Variants in ASCC3 observed in about 807,000 individuals in gnomAD.
ASCC3 encodes the protein activating signal cointegrator 1 complex subunit 3.
In ASCC3, 158 loss-of-function variants were observed where a neutral mutation model predicts 256.3. The ratio of observed to expected loss-of-function variants is 0.62; its 90% CI spans 0.54 to 0.70. The LOEUF is 0.70. Ranked by LOEUF, ASCC3 falls within the 30% of genes least tolerant of loss-of-function variation. The pLI, the probability that ASCC3 is intolerant of heterozygous loss-of-function variation, is 0.00. For missense variants in ASCC3, 2,259 were observed against 2,626.0 expected (o/e 0.86, Z 3.05); for synonymous variants, 948 against 883.4 (o/e 1.07, Z -1.30).
At chr6:100,576,492 A>G (rs1436545634) in intron 36 of ASCC3, among the ~76,000 whole-genome samples, 2 of 151,944 alleles carry the variant, frequency 1.3e-5, no homozygotes, top group Non-Finnish European at 2.9e-5. Context: ...GAATATGTCG[A>G]AAAGGAAATA....
chr6:100,585,749 T>C (rs1383418828), intron 36 of ASCC3, among the ~76,000 whole-genome samples: 1 of 152,184 alleles, frequency 6.6e-6, no homozygotes, highest in Non-Finnish European at 1.5e-5. Flanking sequence ...GATGTACAGA[T>C]AGGTTTTTGG....
chr6:100,707,687 G>A lies in ASCC3; in HGVS notation c.2151+7775C>T, dbSNP rs985487018. Among the ~76,000 whole-genome samples, 5 of 152,192 alleles carry A rather than the reference G, an allele frequency of 3.3e-5. No homozygotes were observed. In the East Asian group the frequency reaches 7.7e-4, roughly 23 times the overall value. ...AAGAGAGTAGAATTATCACAAAATT[G>A]TCTATTTAAAATTAAGAATCCTTTA... On this transcript the variant is annotated intron_variant, in intron 13 of 41. Coordinates refer to ENST00000369162, the MANE Select transcript of ASCC3 (RefSeq NM_006828.4).
At chr6:100,512,960 G>A (rs777867464) in intron 39 of ASCC3, 42 bp from the exon 40 acceptor site, 17 of 1,542,138 alleles carry the variant, frequency 1.1e-5, no homozygotes, top group African/African-American at 1.4e-5. Context: ...AGGAGTTTAT[G>A]TGAAATGCAA....
intron 8 of ASCC3, among the ~76,000 whole-genome samples, chr6:100,795,384 A>G (rs180916800): frequency 2.5e-3 from 379 of 152,196 alleles, no homozygotes; most frequent in Non-Finnish European, 4.0e-3. Flanking sequence ...AGGAAAAAGA[A>G]AAAAAGGAAA....
intron 4 of ASCC3, among the ~76,000 whole-genome samples, chr6:100,831,981 T>C (rs1330131789): frequency 1.3e-5 from 2 of 151,946 alleles, no homozygotes; most frequent in African/African-American, 2.4e-5. Flanking sequence ...TCTGTGGAAA[T>C]AGTACAAAGA....
chr6:100,583,351 T>C (rs1407223357), intron 36 of ASCC3, among the ~76,000 whole-genome samples: 1 of 152,236 alleles, frequency 6.6e-6, no homozygotes, highest in Non-Finnish European at 1.5e-5. Flanking sequence ...CCATTTCTTC[T>C]AGATTTTTGA....
intron 34 of ASCC3, among the ~76,000 whole-genome samples, chr6:100,596,000 A>C (rs1040268030): frequency 1.3e-5 from 2 of 152,136 alleles, no homozygotes; most frequent in Non-Finnish European, 2.9e-5. Context: ...GTCTGTAAAG[A>C]TATAAATATT....
At position 100,762,373 on chromosome 6, in the gene ASCC3, G is replaced by GA. The variant is rs764520551; in HGVS notation, c.1737+4191dup. Among the ~76,000 whole-genome samples, 11 of 152,170 alleles carry GA rather than the reference G, an allele frequency of 7.2e-5. 1 individual carries two copies. Among genetic ancestry groups the GA allele is most frequent in the Non-Finnish European group, 1.6e-4 (11 of 68,034 alleles). On this transcript the variant is annotated intron_variant, in intron 10 of 41. Transcript: ENST00000369162. ...CCAGTGTTTTCACTGATGTTCAAAGGAACACTGCTCAATGGAACCACTGAA... is the reference window on the plus strand; with the variant it reads ...CCAGTGTTTTCACTGATGTTCAAAGGAAACACTGCTCAATGGAACCACTGAA...
intron 4 of ASCC3, among the ~76,000 whole-genome samples, chr6:100,831,791 AAAC>A (rs1771631592): frequency 6.6e-6 from 1 of 152,184 alleles, no homozygotes; most frequent in African/African-American, 2.4e-5. Flanking sequence ...AAATAATATG[AAAC>A]AATATGACAA....
chr6:100,670,254 C>T (rs1329049126), intron 14 of ASCC3, among the ~76,000 whole-genome samples: 1 of 151,900 alleles, frequency 6.6e-6, no homozygotes, highest in Non-Finnish European at 1.5e-5. Flanking sequence ...AACGTTAACA[C>T]TACCCAGTGC....
chr6:100,726,116 C>T (rs940569545), intron 10 of ASCC3, among the ~76,000 whole-genome samples: 4 of 151,488 alleles, frequency 2.6e-5, no homozygotes, highest in African/African-American at 9.7e-5. Flanking sequence ...ATCAACAATT[C>T]ACTCTACCGA....
intron 13 of ASCC3, among the ~76,000 whole-genome samples, chr6:100,684,802 CTTTTTTTT>C (rs34237443): frequency 4.2e-5 from 4 of 94,718 alleles, no homozygotes; most frequent in Non-Finnish European, 8.1e-5. Flanking sequence ...GAATCAAACT[CTTTTTTTT>C]TTTTTTTTTT....
At position 100,661,824 on chromosome 6, in the gene ASCC3, T is replaced by C; in HGVS notation, c.2685A>G (p.Ala895=). Residue 895 remains alanine, a synonymous_variant, in exon 16 of 42, where the codon GCA becomes GCG. Transcript: ENST00000369162. ...PIESQFLESL[A]DNLNAEIALG... ...ATCTTACCTCTGCATTTAGGTTATC[T>C]GCAAGGCTTTCCAGAAACTGACTCT... The C allele has an allele frequency of 6.2e-7, 1 of 1,613,186 alleles. No homozygotes were observed. Among genetic ancestry groups the C allele is most frequent in the Non-Finnish European group, 8.5e-7 (1 of 1,179,300 alleles).
At chr6:100,705,062 G>A (rs1778517248) in intron 13 of ASCC3, among the ~76,000 whole-genome samples, 1 of 152,038 alleles carries the variant, frequency 6.6e-6, no homozygotes, top group Non-Finnish European at 1.5e-5. Flanking sequence ...GCTTACAAAT[G>A]AGACGTCTCA....
chr6:100,849,421 C>CA (rs1197108724), intron 3 of ASCC3, among the ~76,000 whole-genome samples: 1 of 152,060 alleles, frequency 6.6e-6, no homozygotes, highest in Non-Finnish European at 1.5e-5. Context: ...AAGGAAACCT[C>CA]AAATATCTAT....
intron 13 of ASCC3, among the ~76,000 whole-genome samples, chr6:100,684,809 T>C (rs1777482833): frequency 6.9e-6 from 1 of 143,916 alleles, no homozygotes; most frequent in South Asian, 2.3e-4. Flanking sequence ...ACTCTTTTTT[T>C]TTTTTTTTTT....
At chr6:100,716,425 T>C (rs975456203) in intron 12 of ASCC3, among the ~76,000 whole-genome samples, 26 of 151,856 alleles carry the variant, frequency 1.7e-4, no homozygotes, top group African/African-American at 6.3e-4. Flanking sequence ...TTAACATGTA[T>C]TAGTAAGAGT....
In ASCC3 at chr6:100,728,867, C is replaced by T. The variant is rs80251453; in HGVS notation, c.1738-3164G>A. On this transcript the variant is annotated intron_variant, in intron 10 of 41. Transcript: ENST00000369162. Reference sequence around the variant, plus strand: ...CCATGTTTATGGGGGCATATGTTAGCATTTAGGGAAGAAAGCGCACTTGGT... The same window carrying T: ...CCATGTTTATGGGGGCATATGTTAGTATTTAGGGAAGAAAGCGCACTTGGT... Among the ~76,000 whole-genome samples the T allele has an allele frequency of 1.5e-3, 221 of 152,160 alleles. 1 individual carries two copies. The highest frequency in any genetic ancestry group is 5.2e-3 in the African/African-American group (215 of 41,530).
intron 17 of ASCC3, among the ~76,000 whole-genome samples, chr6:100,654,709 G>T (rs12193789): frequency 0.078 from 11,913 of 151,978 alleles, 691 homozygotes; most frequent in Non-Finnish European, 0.12. Flanking sequence ...AGGTAGGTGA[G>T]TCCCATCTAG....
Sources: allele counts gnomAD v4.1 joint callset (sites outside exome capture counted in the v4.1 genomes callset), GRCh38; gene constraint gnomAD v4.1.1; transcripts MANE v1.5; gene names NCBI Gene and HGNC (gene_info 2026-07-23, HGNC 2026-07-21).